The following SH3GLB1 variants were observed in gnomAD, a reference collection of about 807,000 sequenced individuals.
SH3GLB1 encodes the protein endophilin-B1.
A neutral mutation model predicts 42.0 loss-of-function variants in SH3GLB1; 17 were observed. That is an observed-to-expected ratio of 0.40 (90% confidence interval 0.28 to 0.61). The LOEUF is 0.61. SH3GLB1 is among the 20% of genes least tolerant of loss of function. The pLI, the probability that SH3GLB1 is intolerant of heterozygous loss-of-function variation, is 0.36. For synonymous variants in SH3GLB1, 132 were observed against 146.6 expected, an observed-to-expected ratio of 0.90 and a Z score of 0.72; for missense variants, 355 against 426.3, an observed-to-expected ratio of 0.83 and a Z score of 1.47.
rs1656274428 is a variant in SH3GLB1, at chr1:86,745,818, T to C, written c.*2583T>C. On this transcript the variant is annotated 3_prime_UTR_variant, in exon 9 of 9. Coordinates refer to ENST00000370558, the MANE Select transcript of SH3GLB1 (RefSeq NM_016009.5). Reference sequence around the variant, plus strand: ...GGAAGAAAAAGCTTGGGAAGCCTATTAATTCATGGTGCAGTTCAGAATTGT... The same window carrying C: ...GGAAGAAAAAGCTTGGGAAGCCTATCAATTCATGGTGCAGTTCAGAATTGT... The C allele has an allele frequency of 6.6e-6, 1 of 152,470 alleles. No homozygotes were observed. The highest frequency in any genetic ancestry group is 2.1e-4 in the South Asian group (1 of 4,834). 9.4% of individuals were successfully genotyped at this position (152,470 alleles called of 1,614,324 possible). A position where few individuals can be genotyped will look rare whatever the true frequency, so the allele number is the denominator to read the frequency against.
At chr1:86,735,394 G>A (rs924608751) in intron 7 of SH3GLB1, among the ~76,000 whole-genome samples, 2 of 152,130 alleles carry the variant, frequency 1.3e-5, no homozygotes, top group Non-Finnish European at 2.9e-5. Flanking sequence ...GAGAAAAAGT[G>A]AATACCTTTT....
chr1:86,735,823 A>C (rs1453732592), intron 7 of SH3GLB1, among the ~76,000 whole-genome samples: 1 of 152,212 alleles, frequency 6.6e-6, no homozygotes, highest in Non-Finnish European at 1.5e-5. Context: ...GTTTAGGGCA[A>C]ACATGGTCTC....
chr1:86,718,274 G>A (rs751223721), intron 2 of SH3GLB1, among the ~76,000 whole-genome samples: 2 of 151,986 alleles, frequency 1.3e-5, no homozygotes, highest in Non-Finnish European at 2.9e-5. Flanking sequence ...TCAAACTCCT[G>A]ACATCAAGTG....
chr1:86,709,899 G>A (rs757390170), intron 1 of SH3GLB1, among the ~76,000 whole-genome samples: 6 of 152,138 alleles, frequency 3.9e-5, no homozygotes, highest in Non-Finnish European at 7.4e-5. Flanking sequence ...TGATGTTGCC[G>A]TTCAATAGCT....
intron 7 of SH3GLB1, among the ~76,000 whole-genome samples, chr1:86,740,615 A>T (rs189392511): frequency 2.0e-5 from 3 of 152,320 alleles, no homozygotes; most frequent in Admixed American, 1.3e-4. Context: ...CGATGGTCAA[A>T]GAATGGGATA....
At chr1:86,711,232 C>CTT (rs796454660) in intron 1 of SH3GLB1, among the ~76,000 whole-genome samples, 1 of 148,530 alleles carries the variant, frequency 6.7e-6, no homozygotes, top group Non-Finnish European at 1.5e-5. Flanking sequence ...TATTTGTAGT[C>CTT]TTTTTTTTTT....
intron 4 of SH3GLB1, among the ~76,000 whole-genome samples, chr1:86,722,917 G>A (rs1264191392): frequency 1.3e-5 from 2 of 152,140 alleles, no homozygotes; most frequent in East Asian, 3.9e-4. Flanking sequence ...CATTACCAAC[G>A]CTAAAATCTA....
At chr1:86,734,713 A>C in intron 6 of SH3GLB1, 22 bp downstream of exon 6, 15 of 1,586,396 alleles carry the variant, frequency 9.5e-6, no homozygotes, top group Non-Finnish European at 1.3e-5. Flanking sequence ...TTCATTGGAA[A>C]TTCATTTGGA....
At chr1:86,729,991 A>G (rs774747408) in intron 5 of SH3GLB1, 2 of 1,212,432 alleles carry the variant, frequency 1.6e-6, no homozygotes, top group Non-Finnish European at 2.3e-6. Flanking sequence ...AGAGTATGCC[A>G]TTTAAACAAA....
At chr1:86,718,864 T>C (rs1654703386) in intron 2 of SH3GLB1, among the ~76,000 whole-genome samples, 2 of 152,230 alleles carry the variant, frequency 1.3e-5, no homozygotes, top group South Asian at 4.1e-4. Flanking sequence ...TTTAAACTTA[T>C]TTTTAATGAT....
At chr1:86,728,927 G>T (rs1438740258) in intron 5 of SH3GLB1, among the ~76,000 whole-genome samples, 5 of 152,044 alleles carry the variant, frequency 3.3e-5, no homozygotes, top group Non-Finnish European at 7.4e-5. Context: ...GCCATTTCAG[G>T]CCAAGACAGA....
intron 1 of SH3GLB1, among the ~76,000 whole-genome samples, chr1:86,708,353 T>C (rs1367125578): frequency 7.9e-5 from 12 of 152,234 alleles, no homozygotes; most frequent in Non-Finnish European, 1.5e-5. Flanking sequence ...ACATTCACGT[T>C]TATAAATAAT....
intron 1 of SH3GLB1, among the ~76,000 whole-genome samples, chr1:86,715,424 AAT>A (rs1291481756): frequency 6.6e-6 from 1 of 152,184 alleles, no homozygotes; most frequent in Non-Finnish European, 1.5e-5. Context: ...AGGTAGTTGA[AAT>A]AGTTGCATGC....
intron 1 of SH3GLB1, among the ~76,000 whole-genome samples, chr1:86,707,394 C>T (rs1034877123): frequency 1.3e-5 from 2 of 152,034 alleles, no homozygotes; most frequent in South Asian, 2.1e-4. Flanking sequence ...ACGTAAAAGG[C>T]GATTGTAACT....
chr1:86,709,318 T>C (rs1357706495), intron 1 of SH3GLB1, among the ~76,000 whole-genome samples: 2 of 152,250 alleles, frequency 1.3e-5, no homozygotes, highest in Non-Finnish European at 2.9e-5. Flanking sequence ...ATGTGAAGTT[T>C]AATCTTTGAA....
intron 7 of SH3GLB1, among the ~76,000 whole-genome samples, chr1:86,741,906 A>T (rs1266308384): frequency 6.6e-6 from 1 of 152,134 alleles, no homozygotes; most frequent in Non-Finnish European, 1.5e-5. Context: ...GATTAAGAAA[A>T]CATTCTAATG....
chr1:86,705,791 G>A (rs1653828421), intron 1 of SH3GLB1, among the ~76,000 whole-genome samples: 1 of 152,222 alleles, frequency 6.6e-6, no homozygotes. Context: ...CAGTAAATCT[G>A]TGAACAGATG....
chr1:86,728,065 G>A (rs1655290731), intron 5 of SH3GLB1, among the ~76,000 whole-genome samples: 1 of 151,970 alleles, frequency 6.6e-6, no homozygotes, highest in East Asian at 1.9e-4. Flanking sequence ...CTTTGAATAG[G>A]AAAATTTGGG....
chr1:86,719,878 C>G (rs1480925902), intron 3 of SH3GLB1, among the ~76,000 whole-genome samples: 1 of 151,552 alleles, frequency 6.6e-6, no homozygotes, highest in South Asian at 2.1e-4. Context: ...CACCTGTAGT[C>G]CCAGCTACTT....
Sources: gnomAD v4.1 joint callset for allele counts (sites outside exome capture counted in the v4.1 genomes callset) on GRCh38, gnomAD v4.1.1 for gene constraint, MANE v1.5 for transcripts, NCBI Gene and HGNC (gene_info 2026-07-23, HGNC 2026-07-21) for gene names.